Variants in GABRG2 observed in about 807,000 individuals in gnomAD.
GABRG2 encodes the protein gamma-aminobutyric acid type A receptor subunit gamma2.
In GABRG2, 16 loss-of-function variants were observed where a neutral mutation model predicts 56.4. That is an observed-to-expected ratio of 0.28 (90% CI 0.19 to 0.43). GABRG2 has a LOEUF of 0.43. Ranked by LOEUF, GABRG2 falls within the 20% of genes least tolerant of loss-of-function variation. GABRG2 has a pLI of 1.00. For missense variants in GABRG2, 327 were observed against 582.7 expected (o/e 0.56, Z 4.52); for synonymous variants, 208 against 205.5 (o/e 1.01, Z -0.10).
chr5:162,113,403 A>G (rs776211904), intron 6 of GABRG2, among the ~76,000 whole-genome samples: 10 of 152,200 alleles, frequency 6.6e-5, no homozygotes, highest in Non-Finnish European at 1.5e-4. Context: ...CATGTTCCAC[A>G]ATGATGACAA....
intron 1 of GABRG2, among the ~76,000 whole-genome samples, chr5:162,079,385 G>A (rs1759464304): frequency 6.6e-6 from 1 of 152,172 alleles, no homozygotes. Context: ...TATCAGAGAA[G>A]TGCACATGCA....
intron 1 of GABRG2, among the ~76,000 whole-genome samples, chr5:162,090,002 C>G (rs1247230516): frequency 6.6e-6 from 1 of 152,140 alleles, no homozygotes; most frequent in African/African-American, 2.4e-5. Flanking sequence ...AGCAACCTCT[C>G]ATTGAACAGT....
intron 6 of GABRG2, among the ~76,000 whole-genome samples, chr5:162,121,643 G>C (rs1762987069): frequency 6.6e-6 from 1 of 152,030 alleles, no homozygotes; most frequent in African/African-American, 2.4e-5. Context: ...ACTGACTGTA[G>C]ATATAATGCC....
intron 7 of GABRG2, among the ~76,000 whole-genome samples, chr5:162,145,004 C>T (rs1470956212): frequency 1.3e-5 from 2 of 152,138 alleles, no homozygotes. Context: ...AACGTGCAGT[C>T]GCCTTTTAGA....
At chr5:162,078,369 CTATATATATATATA>C (rs774147866) in intron 1 of GABRG2, among the ~76,000 whole-genome samples, 17 of 53,888 alleles carry the variant, frequency 3.2e-4, no homozygotes, top group Admixed American at 8.1e-4. Context: ...GAGCATCTTA[CTATATATATATATA>C]TATATATATA....
At chr5:162,105,842 C>CACACACCA (rs1471295471) in intron 6 of GABRG2, among the ~76,000 whole-genome samples, 1 of 151,000 alleles carries the variant, frequency 6.6e-6, no homozygotes, top group Non-Finnish European at 1.5e-5. Flanking sequence ...CACACACACA[C>CACACACCA]ACCACGTAAA....
At chr5:162,115,615 G>C (rs112262879) in intron 6 of GABRG2, among the ~76,000 whole-genome samples, 5 of 152,180 alleles carry the variant, frequency 3.3e-5, no homozygotes, top group African/African-American at 1.2e-4. Context: ...GAGAAATTGG[G>C]GATGGGGTGA....
In GABRG2 at chr5:162,142,294, T is replaced by A; in HGVS notation, c.900T>A (p.Ala300=). ...SWVSFWINKD[A]VPARTSLGIT... is the part of the protein sequence containing the mutation. ...TGTCTTTCTGGATCAATAAGGATGC[T>A]GTTCCAGCCAGAACATCTTTAGGTG... Residue 300 remains alanine, a synonymous_variant, in exon 7 of 10, where the codon GCT becomes GCA. Coordinates refer to ENST00000639213, the MANE Select transcript of GABRG2 (RefSeq NM_198904.4). 1.2e-6 allele frequency: 2 copies of A among 1,614,162 alleles called. No individual in the cohort carries two copies. The highest frequency in any genetic ancestry group is 8.5e-7 in the Non-Finnish European group (1 of 1,180,010).
intron 6 of GABRG2, among the ~76,000 whole-genome samples, chr5:162,108,319 A>G (rs965957550): frequency 1.3e-5 from 2 of 152,200 alleles, no homozygotes; most frequent in Non-Finnish European, 2.9e-5. Context: ...TGTTTCTAGT[A>G]TATAAGAATC....
At chr5:162,079,965 C>T (rs1759518619) in intron 1 of GABRG2, among the ~76,000 whole-genome samples, 1 of 151,892 alleles carries the variant, frequency 6.6e-6, no homozygotes, top group African/African-American at 2.4e-5. Context: ...TTTTTAAACC[C>T]ATAAACGCAC....
intron 1 of GABRG2, among the ~76,000 whole-genome samples, chr5:162,070,503 G>C (rs1215508466): frequency 6.6e-6 from 1 of 151,852 alleles, no homozygotes; most frequent in African/African-American, 2.4e-5. Flanking sequence ...GTGGTAGACA[G>C]TAGTAGCAGA....
At chr5:162,123,237 T>A (rs1372644723) in intron 6 of GABRG2, among the ~76,000 whole-genome samples, 2 of 151,692 alleles carry the variant, frequency 1.3e-5, no homozygotes, top group Non-Finnish European at 3.0e-5. Flanking sequence ...CTCCTGATAT[T>A]TTTTTTTCTA....
intron 3 of GABRG2, among the ~76,000 whole-genome samples, chr5:162,096,855 A>C (rs1761034973): frequency 6.6e-6 from 1 of 152,110 alleles, no homozygotes; most frequent in South Asian, 2.1e-4. Flanking sequence ...TTTATGATAG[A>C]GATTAACAGA....
intron 6 of GABRG2, among the ~76,000 whole-genome samples, chr5:162,107,218 C>T (rs1301784096): frequency 6.6e-6 from 1 of 152,096 alleles, no homozygotes; most frequent in Non-Finnish European, 1.5e-5. Context: ...TTCCTTGATA[C>T]ATGGTTTTTT....
chr5:162,098,120 T>G, intron 4 of GABRG2: 1 of 484,486 alleles, frequency 2.1e-6, no homozygotes, highest in Admixed American at 3.5e-5. Context: ...ACAACTGACC[T>G]GAAATTTCCT....
At chr5:162,142,042 A>C in intron 6 of GABRG2, 122 bp from the exon 7 acceptor site, 2 of 1,272,066 alleles carry the variant, frequency 1.6e-6, no homozygotes, top group South Asian at 1.2e-5. Context: ...AGTTTTCAAC[A>C]TACCACTTGT....
chr5:162,134,659 C>T (rs1763990199), intron 6 of GABRG2, among the ~76,000 whole-genome samples: 2 of 152,150 alleles, frequency 1.3e-5, no homozygotes, highest in South Asian at 2.1e-4. Context: ...TGTTGATGCC[C>T]CTGCCACCCT....
At chr5:162,098,152 C>G in intron 4 of GABRG2, 1 of 425,508 alleles carries the variant, frequency 2.4e-6, no homozygotes, top group Non-Finnish European at 4.3e-6. Flanking sequence ...GATCATCTGA[C>G]CTTTGCACCT....
rs1446209029 is a variant in GABRG2, at chr5:162,154,407, A to G, written c.*1039A>G. The G allele has an allele frequency of 1.3e-5, 2 of 152,154 alleles. No individual in the cohort carries two copies. The highest frequency in any genetic ancestry group is 2.9e-5 in the Non-Finnish European group (2 of 68,026). The allele number at this position is 152,154 out of a possible 1,614,324, so 9.4% of individuals were successfully genotyped here. A position where few individuals can be genotyped will look rare whatever the true frequency, so the allele number is the denominator to read the frequency against. On this transcript the variant is annotated 3_prime_UTR_variant, in exon 10 of 10. Transcript: ENST00000639213. ...GTGCCTGGCATATAGTTGGTGCTCA[A>G]TAAATATGGTTTGAAGTGAATTGCC... is the stretch of plus-strand genomic sequence containing the variant.
Sources: gnomAD v4.1 joint callset for allele counts (sites outside exome capture counted in the v4.1 genomes callset) on GRCh38, gnomAD v4.1.1 for gene constraint, MANE v1.5 for transcripts, NCBI Gene and HGNC (gene_info 2026-07-23, HGNC 2026-07-21) for gene names.